USP37: variants seen among roughly 807,000 people sequenced by gnomAD.
USP37 encodes ubiquitin specific peptidase 37.
In USP37, 27 loss-of-function variants were observed where a neutral mutation model predicts 124.0. The ratio of observed to expected loss-of-function variants is 0.22; its 90% CI spans 0.16 to 0.30. USP37 has a LOEUF of 0.30. Among genes scored for constraint, USP37 ranks in the 10% least tolerant of loss-of-function variants. USP37 has a pLI of 1.00. For synonymous variants in USP37, 365 were observed against 388.0 expected (o/e 0.94, Z 0.70); for missense variants, 889 against 1,140.4 (o/e 0.78, Z 3.17).
In USP37 at chr2:218,500,906, C is replaced by T. The variant is rs547270828; in HGVS notation, c.1026-2749G>A. On this transcript the variant is annotated intron_variant, in intron 11 of 25. Coordinates refer to ENST00000258399, the MANE Select transcript of USP37 (RefSeq NM_020935.3). ...GATGGTCATCCTCTTTGACTGAGCA[C>T]GCAGGTTTGCGACAGACACACATGG... The T allele has an allele frequency of 4.8e-5, 8 of 165,200 alleles. No homozygotes were observed. In the East Asian group the frequency reaches 5.8e-4, roughly 12 times the overall value. The allele number at this position is 165,200 out of a possible 1,614,324, so 10.2% of individuals were successfully genotyped here. A position where few individuals can be genotyped will look rare whatever the true frequency, so the allele number is the denominator to read the frequency against.
chr2:218,547,614 G>C, intron 6 of USP37, among the ~76,000 whole-genome samples: 1 of 141,706 alleles, frequency 7.1e-6, no homozygotes. Flanking sequence ...GACACACACA[G>C]ACATGGCTCT....
intron 6 of USP37, among the ~76,000 whole-genome samples, chr2:218,548,503 A>G (rs1692494981): frequency 1.8e-5 from 1 of 54,210 alleles, no homozygotes; most frequent in African/African-American, 7.6e-5. Flanking sequence ...ACCATGCCCA[A>G]CTAATTTATG....
intron 14 of USP37, among the ~76,000 whole-genome samples, chr2:218,492,295 G>T (rs1261157375): frequency 6.6e-6 from 1 of 152,092 alleles, no homozygotes; most frequent in African/African-American, 2.4e-5. Context: ...AGACTCTAAG[G>T]CACTATGATC....
chr2:218,542,713 G>A (rs1458536921), intron 8 of USP37, among the ~76,000 whole-genome samples: 2 of 152,150 alleles, frequency 1.3e-5, no homozygotes, highest in African/African-American at 2.4e-5. Flanking sequence ...TTGGTGATCT[G>A]GTTTGAGGCA....
intron 9 of USP37, among the ~76,000 whole-genome samples, chr2:218,531,164 G>C (rs559470560): frequency 6.6e-6 from 1 of 152,336 alleles, no homozygotes; most frequent in East Asian, 1.9e-4. Context: ...TTCGTAGCTA[G>C]AGAGAAATCA....
At chr2:218,455,453 T>C (rs1473704341) in intron 25 of USP37, 127 bp downstream of exon 25, 2 of 1,284,160 alleles carry the variant, frequency 1.6e-6, no homozygotes, top group Admixed American at 5.4e-5. Context: ...TAACCAAAGA[T>C]GATAAAAACC....
At chr2:218,544,805 C>T (rs1338828118) in intron 8 of USP37, among the ~76,000 whole-genome samples, 1 of 152,134 alleles carries the variant, frequency 6.6e-6, no homozygotes, top group Non-Finnish European at 1.5e-5. Context: ...CTATTCTTGT[C>T]TATTTTAAAC....
At chr2:218,555,410 G>A (rs932631518) in intron 4 of USP37, among the ~76,000 whole-genome samples, 5 of 152,056 alleles carry the variant, frequency 3.3e-5, no homozygotes, top group African/African-American at 7.2e-5. Flanking sequence ...AAAGTGGGTC[G>A]TAAAATTATG....
At chr2:218,494,632 C>T (rs1297006909) in intron 14 of USP37, among the ~76,000 whole-genome samples, 2 of 152,092 alleles carry the variant, frequency 1.3e-5, no homozygotes, top group Admixed American at 6.6e-5. Context: ...AATAATTCTG[C>T]ATTAAGTCAT....
At chr2:218,519,170 G>A (rs974601430) in intron 10 of USP37, among the ~76,000 whole-genome samples, 1 of 152,172 alleles carries the variant, frequency 6.6e-6, no homozygotes, top group Non-Finnish European at 1.5e-5. Context: ...TACTTCCATT[G>A]TAAATACTAA....
intron 16 of USP37, 96 bp from the exon 17 acceptor site, chr2:218,482,330 T>C: frequency 7.4e-7 from 1 of 1,346,114 alleles, no homozygotes. Flanking sequence ...CGACTTTTGA[T>C]TTAAAAAATC....
rs377397246 is a variant in USP37 at position 218,544,430 on chromosome 2, T to TATAGAGAG, written c.680+1790_680+1791insCTCTCTAT. Among the ~76,000 whole-genome samples, 124 of 50,788 alleles carry TATAGAGAG rather than the reference T, an allele frequency of 2.4e-3. 2 individuals carry two copies. Among genetic ancestry groups the TATAGAGAG allele is most frequent in the African/African-American group, 9.9e-3 (74 of 7,506 alleles). The allele number at this position is 50,788 out of a possible 152,430, so 33.3% of individuals were successfully genotyped here. A position where few individuals can be genotyped will look rare whatever the true frequency, so the allele number is the denominator to read the frequency against. ...AAATATATATATATATATATATATATAGAGAGAGAGAGAGAGAGAGAGAGA... is the reference window on the plus strand; with the variant it reads ...AAATATATATATATATATATATATATATAGAGAGAGAGAGAGAGAGAGAGAGAGAGAGA... On this transcript the variant is annotated intron_variant, in intron 8 of 25. Transcript: ENST00000258399.
chr2:218,474,894 G>A lies in USP37; in HGVS notation c.2044-9C>T, dbSNP rs1690883851. The A allele has an allele frequency of 2.5e-6, 4 of 1,603,492 alleles. No individual in the cohort carries two copies. The highest frequency in any genetic ancestry group is 2.7e-5 in the African/African-American group (2 of 74,312). On this transcript the variant is annotated splice_polypyrimidine_tract_variant and intron_variant, in intron 19 of 25. Transcript: ENST00000258399. ...GGGCATAATTTTGAATCCTGAAGAAGAGAGTTACTTTTAGAAGAAACCAGA... is the reference window on the plus strand; with the variant it reads ...GGGCATAATTTTGAATCCTGAAGAAAAGAGTTACTTTTAGAAGAAACCAGA...
chr2:218,470,259 G>A (rs1263965537), intron 20 of USP37, among the ~76,000 whole-genome samples: 5 of 152,028 alleles, frequency 3.3e-5, no homozygotes, highest in Admixed American at 2.0e-4. Flanking sequence ...GATATCTGAG[G>A]ATCATATGTG....
At chr2:218,481,755 C>T (rs2105974759) in intron 17 of USP37, among the ~76,000 whole-genome samples, 1 of 151,212 alleles carries the variant, frequency 6.6e-6, no homozygotes, top group East Asian at 1.9e-4. Context: ...TCCCAGGCTC[C>T]AGCAATCCTC....
At chr2:218,567,839 A>G (rs971162430) in intron 1 of USP37, among the ~76,000 whole-genome samples, 1 of 152,220 alleles carries the variant, frequency 6.6e-6, no homozygotes, top group Non-Finnish European at 1.5e-5. Flanking sequence ...ATCATGTCCA[A>G]GGCCTGGTGG....
intron 24 of USP37, among the ~76,000 whole-genome samples, chr2:218,456,053 T>A (rs1315259398): frequency 6.7e-6 from 1 of 148,562 alleles, no homozygotes; most frequent in Non-Finnish European, 1.5e-5. Context: ...CTCAAAAAAA[T>A]AAACAAAAAC....
chr2:218,565,035 C>T (rs1693509371), intron 1 of USP37, among the ~76,000 whole-genome samples: 2 of 152,196 alleles, frequency 1.3e-5, no homozygotes, highest in African/African-American at 4.8e-5. Context: ...AATCCTCCCA[C>T]CTCAGCCTCC....
At chr2:218,473,901 C>T (rs954622075) in intron 20 of USP37, among the ~76,000 whole-genome samples, 1 of 152,172 alleles carries the variant, frequency 6.6e-6, no homozygotes, top group African/African-American at 2.4e-5. Context: ...GATGGTATAG[C>T]TGACTATACA....
Sources: gnomAD v4.1 joint callset for allele counts (sites outside exome capture counted in the v4.1 genomes callset) on GRCh38, gnomAD v4.1.1 for gene constraint, MANE v1.5 for transcripts, NCBI Gene and HGNC (gene_info 2026-07-23, HGNC 2026-07-21) for gene names.